CD8B2: variants seen among roughly 807,000 people sequenced by gnomAD.
The protein encoded by CD8B2 is T-cell surface glycoprotein CD8 beta-2 chain.
CD8B2 carries 11 observed loss-of-function variants against 23.7 expected under a neutral mutation model. That is an observed-to-expected ratio of 0.46 (90% CI 0.29 to 0.77). The LOEUF (loss-of-function observed/expected upper bound fraction) is 0.77. CD8B2 is among the 30% of genes least tolerant of loss of function. CD8B2 has a pLI of 0.09. For synonymous variants in CD8B2, 90 were observed against 109.3 expected, an observed-to-expected ratio of 0.82 and a Z score of 1.10; for missense variants, 197 against 270.5, an observed-to-expected ratio of 0.73 and a Z score of 1.91.
chr2:106,529,813 T>C (rs1231828231), intron 5 of CD8B2, among the ~76,000 whole-genome samples: 2 of 152,150 alleles, frequency 1.3e-5, no homozygotes, highest in Non-Finnish European at 2.9e-5. Context: ...GTGATCCTGA[T>C]CACTGAGGGA....
intron 5 of CD8B2, among the ~76,000 whole-genome samples, chr2:106,527,058 A>G (rs1679917605): frequency 6.6e-6 from 1 of 152,238 alleles, no homozygotes; most frequent in Admixed American, 6.5e-5. Context: ...TTGTGTGTGA[A>G]CATTGGTTTT....
intron 5 of CD8B2, among the ~76,000 whole-genome samples, chr2:106,540,390 G>A (rs1418233407): frequency 1.3e-5 from 2 of 152,114 alleles, no homozygotes; most frequent in African/African-American, 4.8e-5. Flanking sequence ...GCGCATTAAT[G>A]TCAATCTCAA....
At chr2:106,523,152 C>G (rs145409403) in intron 5 of CD8B2, among the ~76,000 whole-genome samples, 4 of 152,136 alleles carry the variant, frequency 2.6e-5, no homozygotes, top group Non-Finnish European at 5.9e-5. Context: ...AAAAATTCCC[C>G]GAACACAGAA....
chr2:106,516,993 T>C (rs1376598686), intron 5 of CD8B2, among the ~76,000 whole-genome samples: 1 of 148,362 alleles, frequency 6.7e-6, no homozygotes, highest in South Asian at 2.1e-4. Flanking sequence ...TGAAGATTAA[T>C]ACATGATATA....
intron 5 of CD8B2, among the ~76,000 whole-genome samples, chr2:106,505,799 T>A (rs1194772762): frequency 2.0e-5 from 3 of 152,112 alleles, no homozygotes; most frequent in African/African-American, 7.2e-5. Context: ...CAAGAGATAA[T>A]AACTTGAGTG....
At chr2:106,518,213 G>A (rs1679767113) in intron 5 of CD8B2, among the ~76,000 whole-genome samples, 1 of 152,112 alleles carries the variant, frequency 6.6e-6, no homozygotes, top group African/African-American at 2.4e-5. Context: ...GGCTTCTTTA[G>A]AAAATGAAAA....
chr2:106,488,948 C>T (rs1485976752), intron 1 of CD8B2, among the ~76,000 whole-genome samples: 1 of 152,042 alleles, frequency 6.6e-6, no homozygotes, highest in Non-Finnish European at 1.5e-5. Context: ...GTCCAGCAGC[C>T]ACTTGTGCCC....
At chr2:106,492,008 A>C (rs1006094217) in intron 2 of CD8B2, among the ~76,000 whole-genome samples, 2 of 152,088 alleles carry the variant, frequency 1.3e-5, no homozygotes, top group African/African-American at 4.8e-5. Context: ...CACTGCCCTG[A>C]TATACCCAGT....
At chr2:106,532,724 A>C (rs1680006719) in intron 5 of CD8B2, among the ~76,000 whole-genome samples, 1 of 151,480 alleles carries the variant, frequency 6.6e-6, no homozygotes, top group African/African-American at 2.4e-5. Context: ...CTATCATGGC[A>C]CTCGTGGTAG....
At chr2:106,506,769 G>A (rs1679513987) in intron 5 of CD8B2, among the ~76,000 whole-genome samples, 159 bp from the exon 6 acceptor site, 1 of 152,020 alleles carries the variant, frequency 6.6e-6, no homozygotes, top group East Asian at 1.9e-4. Flanking sequence ...TCTTTTTAAT[G>A]ACTAAGATGG....
intron 3 of CD8B2, among the ~76,000 whole-genome samples, chr2:106,497,323 T>C (rs1270634165): frequency 6.6e-6 from 1 of 152,176 alleles, no homozygotes; most frequent in East Asian, 1.9e-4. Context: ...ATACACAGTA[T>C]GTGCTAGTTC....
At chr2:106,502,430 A>C in intron 3 of CD8B2, 44 bp from the exon 4 acceptor site, 2 of 1,225,400 alleles carry the variant, frequency 1.6e-6, no homozygotes, top group Non-Finnish European at 2.3e-6. Flanking sequence ...TCTCACGCAG[A>C]AAAATGTTCT....
chr2:106,514,840 T>C (rs1483504694), downstream of CD8B2, among the ~76,000 whole-genome samples: 1 of 152,156 alleles, frequency 6.6e-6, no homozygotes, highest in Non-Finnish European at 1.5e-5. Context: ...ATCTTTTTCA[T>C]AGCATTCTTT....
rs747750833 is a variant in CD8B2 at position 106,509,139 on chromosome 2, C to A, written c.*2199C>A. On this transcript the variant is annotated 3_prime_UTR_variant, in exon 6 of 6. Transcript: ENST00000643224. ...AAATTGGCCTCAGATTCCCTGCCCC[C>A]AGACATAGATGTTTCTCCTTGATTC... The A allele has an allele frequency of 2.0e-5, 3 of 152,332 alleles. No homozygotes were observed. Among genetic ancestry groups the A allele is most frequent in the Admixed American group, 6.5e-5 (1 of 15,280 alleles). 9.4% of individuals were successfully genotyped at this position (152,332 alleles called of 1,614,324 possible). A position where few individuals can be genotyped will look rare whatever the true frequency, so the allele number is the denominator to read the frequency against.
Position 106,490,938 on chromosome 2 carries a change from G to A in CD8B2, c.108G>A (p.Met36Ile), listed in dbSNP as rs1264129764. ...PAYIKVQTNK[M>I]VMLSCEAKIS... ...ACATAAAGGTGCAAACCAACAAGAT[G>A]GTGATGCTGTCCTGCGAGGCTAAAA... The change falls in exon 2 of 6, where the codon ATG (methionine) becomes ATA (isoleucine). Residue 36 changes from methionine (M) to isoleucine (I), a missense_variant. Transcript: ENST00000643224. The A allele has an allele frequency of 3.7e-6, 6 of 1,613,358 alleles. No individual in the cohort carries two copies. The African/African-American group carries it at 6.7e-5, about 18-fold the overall frequency.
downstream of CD8B2, among the ~76,000 whole-genome samples, chr2:106,511,467 G>T (rs1462348687): frequency 1.7e-4 from 23 of 133,094 alleles, 1 homozygote; most frequent in South Asian, 5.4e-3. Flanking sequence ...CTTCCTTTCA[G>T]TGGGAAGTAG....
chr2:106,544,170 G>A (rs550511872), exon 6 of CD8B2: 23 of 398,102 alleles, frequency 5.8e-5, no homozygotes, highest in African/African-American at 3.7e-4. Context: ...CGTGTCTAGC[G>A]AGGCCATCCT....
intron 2 of CD8B2, among the ~76,000 whole-genome samples, chr2:106,494,684 T>C (rs1380105502): frequency 3.9e-5 from 6 of 152,172 alleles, no homozygotes; most frequent in Non-Finnish European, 7.4e-5. Context: ...GCCGGCCCAC[T>C]GCCCCTCCCA....
intron 3 of CD8B2, among the ~76,000 whole-genome samples, chr2:106,499,327 G>A (rs1400056302): frequency 1.3e-5 from 2 of 152,134 alleles, no homozygotes; most frequent in Non-Finnish European, 2.9e-5. Context: ...GAGGTCAGGA[G>A]TTCGAGACCA....
Sources: allele counts gnomAD v4.1 joint callset (sites outside exome capture counted in the v4.1 genomes callset), GRCh38; gene constraint gnomAD v4.1.1; transcripts MANE v1.5; gene names NCBI Gene and HGNC (gene_info 2026-07-23, HGNC 2026-07-21).